HS3ST4: variants seen among roughly 807,000 people sequenced by gnomAD.
The protein encoded by HS3ST4 is heparan sulfate-glucosamine 3-sulfotransferase 4.
Under a neutral mutation model 29.2 loss-of-function variants are expected in HS3ST4, and 17 were observed. That is an observed-to-expected ratio of 0.58 (90% CI 0.40 to 0.87). The LOEUF is 0.87. Ranked by LOEUF, HS3ST4 falls within the 40% of genes least tolerant of loss-of-function variation. HS3ST4 has a pLI of 0.00. For synonymous variants in HS3ST4, 314 were observed against 285.7 expected (o/e 1.10, Z -1.00); for missense variants, 627 against 634.5 (o/e 0.99, Z 0.13).
intron 1 of HS3ST4, among the ~76,000 whole-genome samples, chr16:25,782,747 T>C (rs1480783317): frequency 1.3e-5 from 2 of 152,220 alleles, no homozygotes; most frequent in Non-Finnish European, 2.9e-5. Context: ...ATTTTATTAA[T>C]TTCCTAACCT....
rs564128274 is a variant in HS3ST4 at position 25,835,484 on chromosome 16, C to T, written c.734+142333C>T. Among the ~76,000 whole-genome samples the T allele has an allele frequency of 3.0e-5, 3 of 100,918 alleles. No individual in the cohort carries two copies. The East Asian group carries it at 9.5e-4, about 32-fold the overall frequency. 66.2% of individuals were successfully genotyped at this position (100,918 alleles called of 152,430 possible). On this transcript the variant is annotated intron_variant, in intron 1 of 1. Transcript: ENST00000331351. ...GGGGATATTATTATTCCTCAGTTGA[C>T]AGATGATGAAAAAAAAAATCAAGTT...
chr16:25,845,252 T>C (rs1354983235), intron 1 of HS3ST4, among the ~76,000 whole-genome samples: 1 of 152,184 alleles, frequency 6.6e-6, no homozygotes, highest in Non-Finnish European at 1.5e-5. Context: ...TTCATGCCTG[T>C]AATCTCAGCA....
chr16:25,736,274 C>G lies in HS3ST4; in HGVS notation c.734+43123C>G, dbSNP rs375982436. Among the ~76,000 whole-genome samples, 55 of 152,332 alleles carry G rather than the reference C, an allele frequency of 3.6e-4. No homozygotes were observed. In the East Asian group the frequency reaches 6.4e-3, roughly 18 times the overall value. On this transcript the variant is annotated intron_variant, in intron 1 of 1. Coordinates refer to ENST00000331351, the MANE Select transcript of HS3ST4 (RefSeq NM_006040.3). ...ATGACCACCCTTTGTCATCATGTCT[C>G]TGCAGTGTGGCTTTGGCCTTTACCT...
intron 1 of HS3ST4, among the ~76,000 whole-genome samples, chr16:26,078,660 T>C: frequency 6.6e-6 from 1 of 152,234 alleles, no homozygotes; most frequent in East Asian, 1.9e-4. Flanking sequence ...GCATCTAGTC[T>C]TGAATATAGA....
intron 1 of HS3ST4, among the ~76,000 whole-genome samples, chr16:26,119,435 T>C (rs929379778): frequency 1.3e-5 from 2 of 152,184 alleles, no homozygotes; most frequent in Non-Finnish European, 2.9e-5. Flanking sequence ...GATGCACTTA[T>C]TGGATGTGCT....
intron 1 of HS3ST4, among the ~76,000 whole-genome samples, chr16:25,972,008 ACTAG>A (rs5816340): frequency 0.088 from 13,346 of 152,234 alleles, 767 homozygotes; most frequent in Non-Finnish European, 0.12. Flanking sequence ...TCTGCCACTT[ACTAG>A]CTAGCTACAG....
At chr16:25,804,362 G>A (rs932135827) in intron 1 of HS3ST4, among the ~76,000 whole-genome samples, 3 of 152,198 alleles carry the variant, frequency 2.0e-5, no homozygotes, top group South Asian at 2.1e-4. Flanking sequence ...GAAATTTCCC[G>A]TATTGTCAAT....
intron 1 of HS3ST4, among the ~76,000 whole-genome samples, chr16:25,836,005 G>A (rs1007673965): frequency 3.3e-5 from 5 of 152,068 alleles, no homozygotes; most frequent in Non-Finnish European, 5.9e-5. Flanking sequence ...GCTGGGTGGC[G>A]GAAATCATAG....
chr16:25,952,241 C>T (rs1024042804), intron 1 of HS3ST4, among the ~76,000 whole-genome samples: 13 of 152,136 alleles, frequency 8.5e-5, no homozygotes, highest in African/African-American at 2.9e-4. Flanking sequence ...GGTCCAAGGG[C>T]GAGCTTTCTT....
intron 1 of HS3ST4, among the ~76,000 whole-genome samples, chr16:26,121,220 G>A (rs967575543): frequency 6.6e-6 from 1 of 152,162 alleles, no homozygotes; most frequent in Non-Finnish European, 1.5e-5. Flanking sequence ...GTGGCAGCTC[G>A]AGGGATGTTC....
intron 1 of HS3ST4, among the ~76,000 whole-genome samples, chr16:25,826,678 T>G (rs917833128): frequency 6.6e-6 from 1 of 152,160 alleles, no homozygotes; most frequent in African/African-American, 2.4e-5. Flanking sequence ...TAGGAACCAG[T>G]GACAAAATGT....
At position 26,135,438 on chromosome 16, in the gene HS3ST4, G is replaced by A. The variant is rs116314339; in HGVS notation, c.735-174G>A. 3.0e-3 allele frequency among the ~76,000 whole-genome samples: 464 copies of A among 152,272 alleles called. 3 individuals are homozygous for A. The highest frequency in any genetic ancestry group is 0.011 in the African/African-American group (450 of 41,562). On this transcript the variant is annotated intron_variant, in intron 1 of 1. Coordinates refer to ENST00000331351, the MANE Select transcript of HS3ST4 (RefSeq NM_006040.3). ...CTTGTGTTGCCTTTTCTGATAATACGTAGCCAGGGTAAGACTATAGTCAGG... is the reference window on the plus strand; with the variant it reads ...CTTGTGTTGCCTTTTCTGATAATACATAGCCAGGGTAAGACTATAGTCAGG...
chr16:25,901,825 C>T (rs1968122322), intron 1 of HS3ST4, among the ~76,000 whole-genome samples: 1 of 152,230 alleles, frequency 6.6e-6, no homozygotes, highest in African/African-American at 2.4e-5. Flanking sequence ...CCACTCCTTT[C>T]ATTTTTTCCA....
At chr16:25,967,961 G>A (rs1462157884) in intron 1 of HS3ST4, among the ~76,000 whole-genome samples, 2 of 152,176 alleles carry the variant, frequency 1.3e-5, no homozygotes, top group African/African-American at 2.4e-5. Context: ...TCATTAGATG[G>A]GATAAGACTA....
chr16:26,004,068 T>C (rs987424355), intron 1 of HS3ST4, among the ~76,000 whole-genome samples: 1 of 152,196 alleles, frequency 6.6e-6, no homozygotes, highest in African/African-American at 2.4e-5. Flanking sequence ...GTTTGACATA[T>C]ATTTACAGTC....
intron 1 of HS3ST4, among the ~76,000 whole-genome samples, chr16:25,737,397 A>G (rs1966617013): frequency 1.3e-5 from 2 of 151,996 alleles, no homozygotes; most frequent in South Asian, 4.1e-4. Flanking sequence ...CACTCAGTGG[A>G]ATACTATTCA....
intron 1 of HS3ST4, among the ~76,000 whole-genome samples, chr16:25,753,892 G>C (rs898189769): frequency 2.0e-5 from 3 of 151,988 alleles, no homozygotes; most frequent in Non-Finnish European, 4.4e-5. Context: ...CTGACACAAC[G>C]GTAGGTATAG....
chr16:26,120,052 A>AGTGTGTGTGTGTGTGTGTGT (rs35643541), intron 1 of HS3ST4, among the ~76,000 whole-genome samples: 1 of 131,450 alleles, frequency 7.6e-6, no homozygotes. Flanking sequence ...AGCTGAAGGA[A>AGTGTGTGTGTGTGTGTGTGT]GTGTGTGTGT....
At chr16:25,870,076 A>G (rs1170228395) in intron 1 of HS3ST4, among the ~76,000 whole-genome samples, 1 of 144,368 alleles carries the variant, frequency 6.9e-6, no homozygotes, top group Non-Finnish European at 1.5e-5. Flanking sequence ...TCATCCACTT[A>G]TGCATCCATT....
Sources: gnomAD v4.1 joint callset for allele counts (sites outside exome capture counted in the v4.1 genomes callset) on GRCh38, gnomAD v4.1.1 for gene constraint, MANE v1.5 for transcripts, NCBI Gene and HGNC (gene_info 2026-07-23, HGNC 2026-07-21) for gene names.